Variants in DOK6 observed in about 807,000 individuals in gnomAD.
DOK6 encodes the protein downstream of tyrosine kinase 6.
Under a neutral mutation model 44.0 loss-of-function variants are expected in DOK6, and 22 were observed. That is an observed-to-expected ratio of 0.50 (90% CI 0.36 to 0.71). The LOEUF is 0.71. Among genes scored for constraint, DOK6 ranks in the 30% least tolerant of loss-of-function variants. The pLI is 0.00. For missense variants in DOK6, 340 were observed against 416.4 expected (o/e 0.82, Z 1.60); for synonymous variants, 166 against 145.5 (o/e 1.14, Z -1.01).
At chr18:69,646,080 A>G (rs920363758) in intron 3 of DOK6, among the ~76,000 whole-genome samples, 1 of 152,148 alleles carries the variant, frequency 6.6e-6, no homozygotes, top group Non-Finnish European at 1.5e-5. Context: ...TTACTAGAGT[A>G]TATCTAGGAA....
In DOK6 at chr18:69,843,942, A is replaced by G. The variant is rs970428662; in HGVS notation, c.*2559A>G. The G allele has an allele frequency of 6.6e-6, 1 of 152,200 alleles. No homozygotes were observed. Among genetic ancestry groups the G allele is most frequent in the African/African-American group, 2.4e-5 (1 of 41,452 alleles). 9.4% of individuals were successfully genotyped at this position (152,200 alleles called of 1,614,324 possible). A position where few individuals can be genotyped will look rare whatever the true frequency, so the allele number is the denominator to read the frequency against. ...TAAATGAACAGATAGGAGAACTTAT[A>G]TTAGACTAATATCCTTGACACGAAG... On this transcript the variant is annotated 3_prime_UTR_variant, in exon 8 of 8. Coordinates refer to ENST00000382713, the MANE Select transcript of DOK6 (RefSeq NM_152721.6).
At chr18:69,709,567 A>G (rs1281612456) in intron 5 of DOK6, among the ~76,000 whole-genome samples, 2 of 152,132 alleles carry the variant, frequency 1.3e-5, no homozygotes, top group African/African-American at 4.8e-5. Flanking sequence ...TAAATTCTAG[A>G]CAAAGATTAT....
chr18:69,620,015 T>C (rs1984403053), intron 3 of DOK6, among the ~76,000 whole-genome samples: 1 of 152,136 alleles, frequency 6.6e-6, no homozygotes, highest in Non-Finnish European at 1.5e-5. Context: ...TATGTATTAT[T>C]AAAACATACA....
chr18:69,826,943 C>T (rs1981758560), intron 7 of DOK6, among the ~76,000 whole-genome samples: 1 of 152,100 alleles, frequency 6.6e-6, no homozygotes, highest in Non-Finnish European at 1.5e-5. Context: ...TAATTTGCTG[C>T]AGAAAATGGG....
At chr18:69,533,350 A>C (rs1982035849) in intron 1 of DOK6, among the ~76,000 whole-genome samples, 1 of 152,152 alleles carries the variant, frequency 6.6e-6, no homozygotes, top group Non-Finnish European at 1.5e-5. Context: ...CCCCCAAAAA[A>C]TTATTTTTAG....
At chr18:69,822,463 A>AT (rs1555673069) in intron 7 of DOK6, among the ~76,000 whole-genome samples, 1 of 152,044 alleles carries the variant, frequency 6.6e-6, no homozygotes, top group Non-Finnish European at 1.5e-5. Flanking sequence ...TGATGTAAAA[A>AT]GTTCAGGTGG....
chr18:69,798,055 G>T (rs142451761), intron 7 of DOK6, among the ~76,000 whole-genome samples: 1 of 152,120 alleles, frequency 6.6e-6, no homozygotes, highest in Non-Finnish European at 1.5e-5. Flanking sequence ...GGCAGCAAAA[G>T]TGTGCAACAG....
intron 1 of DOK6, among the ~76,000 whole-genome samples, chr18:69,450,784 C>T (rs879707907): frequency 0.17 from 23,401 of 140,326 alleles, 2,298 homozygotes; most frequent in South Asian, 0.28. Flanking sequence ...GAATTTTCAA[C>T]CCAGAATTTC....
intron 2 of DOK6, among the ~76,000 whole-genome samples, chr18:69,596,582 T>C (rs1983745762): frequency 7.2e-6 from 1 of 138,192 alleles, no homozygotes; most frequent in African/African-American, 2.7e-5. Flanking sequence ...GGAAAGTATA[T>C]TCAAAGTGCT....
intron 1 of DOK6, among the ~76,000 whole-genome samples, chr18:69,526,657 A>G (rs1337282571): frequency 6.6e-6 from 1 of 152,074 alleles, no homozygotes; most frequent in Non-Finnish European, 1.5e-5. Context: ...TTCTTTTCTT[A>G]GTGATTTCTA....
intron 1 of DOK6, among the ~76,000 whole-genome samples, chr18:69,523,480 C>A (rs542331256): frequency 6.6e-6 from 1 of 152,086 alleles, no homozygotes; most frequent in East Asian, 1.9e-4. Context: ...AGAATCAAGT[C>A]TAAATTCAAA....
chr18:69,548,542 G>A lies in DOK6; in HGVS notation c.67-15945G>A, dbSNP rs1030362712. 5.9e-5 allele frequency among the ~76,000 whole-genome samples: 9 copies of A among 151,414 alleles called. 1 individual carries two copies. The highest frequency in any genetic ancestry group is 1.9e-4 in the African/African-American group (8 of 41,362). On this transcript the variant is annotated intron_variant, in intron 1 of 7. Transcript: ENST00000382713. ...CATAATGGATGTATGTATTGTAGCA[G>A]CATACAGTCTGTTTGGCTAAGCATA...
chr18:69,480,242 TA>T (rs145587549), intron 1 of DOK6, among the ~76,000 whole-genome samples: 36,103 of 151,988 alleles, frequency 0.24, 4,609 homozygotes, highest in East Asian at 0.53. Context: ...GTATATAATT[TA>T]AAAGATTAAA....
rs151231754 is a variant in DOK6, at chr18:69,636,634, G to C, written c.289+37136G>C. On this transcript the variant is annotated intron_variant, in intron 3 of 7. Transcript: ENST00000382713. Reference sequence around the variant, plus strand: ...TTTGCCTTGGGCTCTGCTTTCTGGGGCAACATTGGTTTGCTGTCTTCAAAG... The same window carrying C: ...TTTGCCTTGGGCTCTGCTTTCTGGGCCAACATTGGTTTGCTGTCTTCAAAG... 3.9e-5 allele frequency among the ~76,000 whole-genome samples: 6 copies of C among 152,292 alleles called. No homozygotes were observed. In the East Asian group the frequency reaches 1.2e-3, roughly 29 times the overall value.
chr18:69,568,977 T>A (rs567938811), intron 2 of DOK6, among the ~76,000 whole-genome samples: 1 of 151,930 alleles, frequency 6.6e-6, no homozygotes. Flanking sequence ...TGTACTACAA[T>A]GTAATAATAG....
intron 1 of DOK6, among the ~76,000 whole-genome samples, chr18:69,466,878 T>C (rs749919526): frequency 4.6e-5 from 7 of 152,102 alleles, no homozygotes; most frequent in Non-Finnish European, 7.4e-5. Flanking sequence ...TGAAATATTC[T>C]TTTCTGTTGA....
chr18:69,636,421 C>G (rs1984811027), intron 3 of DOK6, among the ~76,000 whole-genome samples: 1 of 152,160 alleles, frequency 6.6e-6, no homozygotes, highest in African/African-American at 2.4e-5. Flanking sequence ...TGTATATGGC[C>G]TCATAGAGGA....
At chr18:69,511,129 C>A (rs571374780) in intron 1 of DOK6, among the ~76,000 whole-genome samples, 10 of 152,290 alleles carry the variant, frequency 6.6e-5, no homozygotes, top group East Asian at 3.9e-4. Context: ...TTAAAAATTT[C>A]TTTCCTCATA....
At chr18:69,725,553 T>C (rs563671730) in intron 5 of DOK6, among the ~76,000 whole-genome samples, 18 of 152,334 alleles carry the variant, frequency 1.2e-4, no homozygotes, top group African/African-American at 3.6e-4. Context: ...AGTGGCACGA[T>C]CTCGGCTCAC....
Sources: gnomAD v4.1 joint callset for allele counts (sites outside exome capture counted in the v4.1 genomes callset) on GRCh38, gnomAD v4.1.1 for gene constraint, MANE v1.5 for transcripts, NCBI Gene and HGNC (gene_info 2026-07-23, HGNC 2026-07-21) for gene names.